ASAP2: variants seen among roughly 807,000 people sequenced by gnomAD.
ASAP2 encodes the protein ArfGAP with SH3 domain, ankyrin repeat and PH domain 2, also known as arf-GAP with SH3 domain, ANK repeat and PH domain-containing protein 2.
A neutral mutation model predicts 131.4 loss-of-function variants in ASAP2; 45 were observed. That is an observed-to-expected ratio of 0.34 (90% CI 0.27 to 0.44). ASAP2 has a LOEUF of 0.44. ASAP2 is among the 20% of genes least tolerant of loss of function. The probability of loss-of-function intolerance (pLI) is 1.00; values close to 1 mark genes in which losing one functional copy is unlikely to be tolerated. For synonymous variants in ASAP2, 510 were observed against 503.0 expected (o/e 1.01, Z -0.19); for missense variants, 1,011 against 1,297.0 (o/e 0.78, Z 3.39).
intron 1 of ASAP2, among the ~76,000 whole-genome samples, chr2:9,246,565 A>G (rs771542053): frequency 1.3e-5 from 2 of 152,182 alleles, no homozygotes; most frequent in African/African-American, 4.8e-5. Flanking sequence ...GATTACAGGC[A>G]TGAGCCACCA....
intron 6 of ASAP2, among the ~76,000 whole-genome samples, chr2:9,326,067 A>G (rs1032522050): frequency 1.5e-4 from 23 of 152,206 alleles, no homozygotes; most frequent in African/African-American, 5.5e-4. Context: ...TCTGAAGTGA[A>G]TTAGATTGCC....
chr2:9,373,565 TG>T (rs1264610935), intron 16 of ASAP2, among the ~76,000 whole-genome samples: 1 of 152,218 alleles, frequency 6.6e-6, no homozygotes, highest in East Asian at 1.9e-4. Flanking sequence ...GCTCCCCTTC[TG>T]GGGGGCCAGT....
At chr2:9,366,329 C>T (rs1673472604) in intron 15 of ASAP2, among the ~76,000 whole-genome samples, 1 of 152,070 alleles carries the variant, frequency 6.6e-6, no homozygotes, top group African/African-American at 2.4e-5. Flanking sequence ...CATCTCCCCA[C>T]CCCCATCTGC....
In ASAP2 at chr2:9,395,642, C is replaced by T. The variant is rs530278352; in HGVS notation, c.2684+1995C>T. ...TTTTTTTTTGAGATGGAGTCTTGCT[C>T]TGTCGCCCAGGCTGGAGTGCGGTGG... On this transcript the variant is annotated intron_variant, in intron 24 of 27. Transcript: ENST00000281419. Among the ~76,000 whole-genome samples the T allele has an allele frequency of 3.5e-4, 34 of 96,688 alleles. 1 individual carries two copies. Among genetic ancestry groups the T allele is most frequent in the Admixed American group, 1.4e-3 (8 of 5,600 alleles). 63.4% of individuals were successfully genotyped at this position (96,688 alleles called of 152,430 possible).
chr2:9,278,349 C>A (rs1273157072), intron 1 of ASAP2, among the ~76,000 whole-genome samples: 1 of 151,928 alleles, frequency 6.6e-6, no homozygotes, highest in East Asian at 1.9e-4. Context: ...CCCGTCTCTA[C>A]TAAAAATGCA....
At chr2:9,315,449 C>T (rs1028782627) in intron 3 of ASAP2, among the ~76,000 whole-genome samples, 2 of 152,122 alleles carry the variant, frequency 1.3e-5, no homozygotes, top group Admixed American at 6.5e-5. Context: ...GCGTGCCGCA[C>T]GGCTGGGTGG....
intron 1 of ASAP2, among the ~76,000 whole-genome samples, chr2:9,269,185 A>C (rs1416483732): frequency 1.3e-5 from 2 of 152,146 alleles, no homozygotes; most frequent in Non-Finnish European, 2.9e-5. Flanking sequence ...TCAAAATATA[A>C]AAATAATAAT....
chr2:9,396,101 G>A lies in ASAP2; in HGVS notation c.2684+2454G>A, dbSNP rs1676128769. Reference sequence around the variant, plus strand: ...GCGGCTAAGGCTACTCAGAGCTGGGGCGAGATTCCAGGGGTTCAGGAGCTC... The same window carrying A: ...GCGGCTAAGGCTACTCAGAGCTGGGACGAGATTCCAGGGGTTCAGGAGCTC... On this transcript the variant is annotated intron_variant, in intron 24 of 27. Coordinates refer to ENST00000281419, the MANE Select transcript of ASAP2 (RefSeq NM_003887.3). Among the ~76,000 whole-genome samples the A allele has an allele frequency of 2.0e-5, 3 of 152,136 alleles. No homozygotes were observed. In the South Asian group the frequency reaches 6.2e-4, roughly 32 times the overall value.
rs373637097 is a variant in ASAP2 at position 9,403,408 on chromosome 2, A to G, written c.*81A>G. On this transcript the variant is annotated 3_prime_UTR_variant, in exon 28 of 28. Transcript: ENST00000281419. The stretch of plus-strand genomic sequence containing the variant: ...AAACTCTTGCCAGATAACCAGTTTC[A>G]TGAACTGTTTGTATGGCAGCCCATG... 24 of 1,402,848 alleles carry G rather than the reference A, an allele frequency of 1.7e-5. No homozygotes were observed. The African/African-American group carries it at 3.1e-4, about 18-fold the overall frequency. The allele number at this position is 1,402,848 out of a possible 1,614,324, so 86.9% of individuals were successfully genotyped here. A position where few individuals can be genotyped will look rare whatever the true frequency, so the allele number is the denominator to read the frequency against.
chr2:9,251,892 G>A (rs1016898476), intron 1 of ASAP2, among the ~76,000 whole-genome samples: 1 of 152,102 alleles, frequency 6.6e-6, no homozygotes, highest in Non-Finnish European at 1.5e-5. Flanking sequence ...GGGAGCTTTA[G>A]GAATGAGAAG....
chr2:9,344,025 A>G (rs1671781768), intron 9 of ASAP2, among the ~76,000 whole-genome samples: 1 of 152,210 alleles, frequency 6.6e-6, no homozygotes, highest in Admixed American at 6.5e-5. Context: ...GTGTGATCCT[A>G]TTGAGTCCTT....
chr2:9,334,649 C>T (rs1671079594), intron 7 of ASAP2, 89 bp from the exon 8 acceptor site: 2 of 1,152,246 alleles, frequency 1.7e-6, no homozygotes, highest in East Asian at 2.4e-5. Context: ...ATAATGACTT[C>T]AGTCACTTTA....
intron 23 of ASAP2, 129 bp downstream of exon 23, chr2:9,391,325 G>C: frequency 1.5e-6 from 2 of 1,329,244 alleles, no homozygotes; most frequent in Non-Finnish European, 2.0e-6. Context: ...ATGGCTCCCT[G>C]TGGCTCTTGT....
intron 1 of ASAP2, among the ~76,000 whole-genome samples, chr2:9,258,341 T>G (rs1471523399): frequency 6.6e-6 from 1 of 151,468 alleles, no homozygotes; most frequent in African/African-American, 2.4e-5. Context: ...AGTTGTTTTT[T>G]TTTTTTTTTT....
chr2:9,261,748 G>A (rs887900939), intron 1 of ASAP2, among the ~76,000 whole-genome samples: 1 of 152,208 alleles, frequency 6.6e-6, no homozygotes, highest in African/African-American at 2.4e-5. Flanking sequence ...CACATGCAGG[G>A]GAGAGGCCCC....
intron 1 of ASAP2, among the ~76,000 whole-genome samples, chr2:9,236,281 A>G (rs1026809466): frequency 1.3e-5 from 2 of 152,168 alleles, no homozygotes; most frequent in African/African-American, 4.8e-5. Flanking sequence ...TAGGTAATCA[A>G]GTGCCACGAA....
chr2:9,277,368 A>G (rs1020645201), intron 1 of ASAP2, among the ~76,000 whole-genome samples: 1 of 152,228 alleles, frequency 6.6e-6, no homozygotes, highest in African/African-American at 2.4e-5. Flanking sequence ...AGATAATTTA[A>G]TTATGATTGT....
Position 9,207,069 on chromosome 2 carries a change from C to A in ASAP2, c.-36C>A. 6.6e-7 allele frequency: 1 copy of A among 1,508,128 alleles called. No individual in the cohort carries two copies. Among genetic ancestry groups the A allele is most frequent in the Non-Finnish European group, 8.9e-7 (1 of 1,124,944 alleles). The allele number at this position is 1,508,128 out of a possible 1,614,324, so 93.4% of individuals were successfully genotyped here. A position where few individuals can be genotyped will look rare whatever the true frequency, so the allele number is the denominator to read the frequency against. The stretch of plus-strand genomic sequence containing the variant: ...CTGCGGCAGTTGAGGCGGCGGCGCC[C>A]CTGCGGCTGTGCGCCAGCGCCCTCG... On this transcript the variant is annotated 5_prime_UTR_variant, in exon 1 of 28. Coordinates refer to ENST00000281419, the MANE Select transcript of ASAP2 (RefSeq NM_003887.3). This position sits in a 1 kb window ranked among gnomAD's most constrained non-coding sequence, Gnocchi z 4.1.
At chr2:9,223,710 T>C (rs1219800381) in intron 1 of ASAP2, among the ~76,000 whole-genome samples, 4 of 152,304 alleles carry the variant, frequency 2.6e-5, no homozygotes, top group Middle Eastern at 3.4e-3. Context: ...CAGGGCCATG[T>C]CATCCTCAGG....
Sources: allele counts gnomAD v4.1 joint callset (sites outside exome capture counted in the v4.1 genomes callset), GRCh38; gene constraint gnomAD v4.1.1; non-coding constraint Gnocchi (gnomAD v3.1); transcripts MANE v1.5; gene names NCBI Gene and HGNC (gene_info 2026-07-23, HGNC 2026-07-21).